ALPK1: variants seen among roughly 807,000 people sequenced by gnomAD.
ALPK1 encodes alpha-protein kinase 1.
Under a neutral mutation model 120.6 loss-of-function variants are expected in ALPK1, and 110 were observed. The observed-to-expected ratio is 0.91, with a 90% CI of 0.78 to 1.07. The LOEUF (loss-of-function observed/expected upper bound fraction) is 1.07. ALPK1 is among the 50% of genes least tolerant of loss of function. The pLI is 0.00. For missense variants in ALPK1, 1,498 were observed against 1,483.9 expected (o/e 1.01, Z -0.16); for synonymous variants, 582 against 560.3 (o/e 1.04, Z -0.55).
chr4:112,429,146 C>T lies in ALPK1; in HGVS notation c.796-3C>T, dbSNP rs1342821465. 3 of 1,613,088 alleles carry T rather than the reference C, an allele frequency of 1.9e-6. No individual in the cohort carries two copies. Among genetic ancestry groups the T allele is most frequent in the Non-Finnish European group, 1.7e-6 (2 of 1,179,678 alleles). ...TTCCACTTAGCCTCCTGTTTTCTCACAGAGCCTGCTGAAGGAGTTTGACCA... is the reference window on the plus strand; with the variant it reads ...TTCCACTTAGCCTCCTGTTTTCTCATAGAGCCTGCTGAAGGAGTTTGACCA... On this transcript the variant is annotated splice_region_variant and splice_polypyrimidine_tract_variant and intron_variant, in intron 9 of 15. Transcript: ENST00000650871.
chr4:112,306,218 G>A (rs1728046453), intron 1 of ALPK1, among the ~76,000 whole-genome samples: 1 of 151,864 alleles, frequency 6.6e-6, no homozygotes, highest in South Asian at 2.1e-4. Flanking sequence ...CTCTTTTTTT[G>A]TTGTGTCTCT....
At chr4:112,352,485 T>C (rs758413957) in intron 2 of ALPK1, among the ~76,000 whole-genome samples, 4 of 152,254 alleles carry the variant, frequency 2.6e-5, no homozygotes, top group Non-Finnish European at 2.9e-5. Flanking sequence ...TCTGATATTA[T>C]AGAAAATGGC....
chr4:112,369,255 A>G (rs1246623420), intron 2 of ALPK1, among the ~76,000 whole-genome samples: 1 of 152,142 alleles, frequency 6.6e-6, no homozygotes, highest in Non-Finnish European at 1.5e-5. Context: ...CTGTTACCCA[A>G]TAATATCTTT....
intron 2 of ALPK1, chr4:112,358,289 G>C: frequency 1.7e-6 from 1 of 600,056 alleles, no homozygotes. Flanking sequence ...CTACGTCAGG[G>C]TGTACAACTT....
In ALPK1 at chr4:112,431,101, A is replaced by G. The variant is rs1734525261; in HGVS notation, c.1554A>G (p.Ile518Met). 6.8e-6 allele frequency: 11 copies of G among 1,614,236 alleles called. No homozygotes were observed. The highest frequency in any genetic ancestry group is 7.6e-6 in the Non-Finnish European group (9 of 1,180,054). ...EKPHCQRDTG[I>M]SSSLMGKNVQ... ...CACATTGTCAAAGAGACACAGGAAT[A>G]TCTTCCTCCCTAATGGGTAAGAATG... Residue 518 changes from isoleucine (I) to methionine (M), a missense_variant, in exon 11 of 16, where the codon ATA (isoleucine) becomes ATG (methionine). By Grantham distance (10) the Ile-to-Met change is conservative. Transcript: ENST00000650871.
intron 3 of ALPK1, among the ~76,000 whole-genome samples, chr4:112,380,102 ACTT>A (rs1285585053): frequency 2.6e-5 from 4 of 152,196 alleles, no homozygotes; most frequent in Admixed American, 1.3e-4. Context: ...AAACTGGGAC[ACTT>A]CTTCTGAGAG....
At chr4:112,359,931 C>T (rs1730840538) in intron 2 of ALPK1, 1 of 172,046 alleles carries the variant, frequency 5.8e-6, no homozygotes, top group Admixed American at 6.3e-5. Context: ...TTAAAATCTA[C>T]TCTTAGCAAT....
At chr4:112,305,580 T>G (rs1728009571) in intron 1 of ALPK1, among the ~76,000 whole-genome samples, 2 of 152,156 alleles carry the variant, frequency 1.3e-5, no homozygotes, top group Non-Finnish European at 2.9e-5. Context: ...AGAATGCTTG[T>G]GATTTTTGCA....
Position 112,377,893 on chromosome 4 carries a change from G to A in ALPK1, c.116G>A (p.Cys39Tyr), listed in dbSNP as rs1295297043. The change falls in exon 3 of 16, where the codon TGC becomes TAC. Residue 39 changes from cysteine to tyrosine, a missense_variant. Coordinates refer to ENST00000650871, the MANE Select transcript of ALPK1 (RefSeq NM_025144.4). ...GAGGACAAGAGCGAGGACCAGCGCT[G>A]CAGAGGTGAGGTTCTGATGGGAGGC... is the stretch of plus-strand genomic sequence containing the variant. The part of the protein sequence containing the change: ...SEEDKSEDQR[C>Y]RALLPSELRT... The A allele has an allele frequency of 1.9e-6, 3 of 1,607,894 alleles. No homozygotes were observed. Among genetic ancestry groups the A allele is most frequent in the African/African-American group, 2.7e-5 (2 of 74,788 alleles).
chr4:112,341,378 T>A (rs1281814785), intron 2 of ALPK1, among the ~76,000 whole-genome samples: 1 of 152,234 alleles, frequency 6.6e-6, no homozygotes, highest in African/African-American at 2.4e-5. Flanking sequence ...GTGACAAGGC[T>A]GTCATTAGGT....
intron 4 of ALPK1, among the ~76,000 whole-genome samples, chr4:112,394,525 T>C (rs1471106196): frequency 3.3e-5 from 5 of 152,244 alleles, no homozygotes; most frequent in Admixed American, 6.5e-5. Flanking sequence ...CCAAGGCCTA[T>C]GTATTTTCAG....
chr4:112,389,289 T>C (rs1732295632), intron 4 of ALPK1, among the ~76,000 whole-genome samples: 1 of 152,130 alleles, frequency 6.6e-6, no homozygotes, highest in South Asian at 2.1e-4. Context: ...GTGATCCGCC[T>C]GCCTCAGCCT....
At chr4:112,438,395 C>A (rs1734876665) in intron 12 of ALPK1, 89 bp from the exon 13 acceptor site, 1 of 1,206,268 alleles carries the variant, frequency 8.3e-7, no homozygotes, top group Admixed American at 2.2e-5. Flanking sequence ...TCAAGCATTT[C>A]TGCATATGTC....
Position 112,411,823 on chromosome 4 carries a change from C to A in ALPK1, c.277-4C>A. 6.2e-7 allele frequency: 1 copy of A among 1,608,150 alleles called. No homozygotes were observed. Among genetic ancestry groups the A allele is most frequent in the Non-Finnish European group, 8.5e-7 (1 of 1,177,448 alleles). On this transcript the variant is annotated splice_region_variant and splice_polypyrimidine_tract_variant and intron_variant, in intron 4 of 15. Coordinates refer to ENST00000650871, the MANE Select transcript of ALPK1 (RefSeq NM_025144.4). ...GCTCACGATGTTCCACGCTGTTCCT[C>A]CAGGCGTCCCTGAGGGCCTCCATCC...
At chr4:112,417,237 C>G (rs1294456615) in intron 5 of ALPK1, among the ~76,000 whole-genome samples, 1 of 151,722 alleles carries the variant, frequency 6.6e-6, no homozygotes, top group Non-Finnish European at 1.5e-5. Flanking sequence ...ATGCATTTTT[C>G]TAAGAAGAAA....
At chr4:112,374,747 A>G (rs117289301) in intron 2 of ALPK1, among the ~76,000 whole-genome samples, 2 of 152,256 alleles carry the variant, frequency 1.3e-5, no homozygotes, top group Admixed American at 6.5e-5. Context: ...AATCTTGTAC[A>G]TCTCAATCAG....
At chr4:112,312,944 T>C (rs781483312) in intron 1 of ALPK1, among the ~76,000 whole-genome samples, 13 of 152,214 alleles carry the variant, frequency 8.5e-5, no homozygotes, top group Admixed American at 2.0e-4. Flanking sequence ...GGCATGGCCC[T>C]TCCGGTAACC....
At chr4:112,387,709 GTTTC>G (rs1303190018) in intron 4 of ALPK1, among the ~76,000 whole-genome samples, 1 of 152,108 alleles carries the variant, frequency 6.6e-6, no homozygotes, top group Non-Finnish European at 1.5e-5. Flanking sequence ...ATGTTGAGTT[GTTTC>G]TTTATGCTAT....
intron 2 of ALPK1, chr4:112,359,294 G>T (rs572911819): frequency 8.5e-6 from 4 of 468,300 alleles, no homozygotes; most frequent in African/African-American, 4.0e-5. Context: ...ATGCCTGCAG[G>T]GCCCTGGAGT....
Sources: allele counts gnomAD v4.1 joint callset (sites outside exome capture counted in the v4.1 genomes callset), GRCh38; gene constraint gnomAD v4.1.1; transcripts MANE v1.5; gene names NCBI Gene and HGNC (gene_info 2026-07-23, HGNC 2026-07-21).